The following RGS6 variants were observed in gnomAD, a reference collection of about 807,000 sequenced individuals.
RGS6 encodes regulator of G-protein signaling 6.
RGS6 carries 30 observed loss-of-function variants against 78.5 expected under a neutral mutation model. The observed-to-expected ratio is 0.38, with a 90% CI of 0.29 to 0.52. The LOEUF is 0.52. Ranked by LOEUF, RGS6 falls within the 20% of genes least tolerant of loss-of-function variation. The pLI is 0.85. For synonymous variants in RGS6, 206 were observed against 206.0 expected, an observed-to-expected ratio of 1.00 and a Z score of 0.00; for missense variants, 495 against 609.7, an observed-to-expected ratio of 0.81 and a Z score of 1.98.
chr14:71,895,138 T>C, the RGS6 span, among the ~76,000 whole-genome samples: 14 of 152,102 alleles, frequency 9.2e-5, no homozygotes, highest in Admixed American at 3.9e-4. Context: ...TTAATACAGA[T>C]TTTTTAGGGG....
the RGS6 span, among the ~76,000 whole-genome samples, chr14:71,893,801 A>G: frequency 2.6e-5 from 4 of 152,162 alleles, no homozygotes; most frequent in Admixed American, 2.6e-4. Flanking sequence ...TTAAGTCAAA[A>G]AGTGAACTAT....
intron 17 of RGS6, among the ~76,000 whole-genome samples, chr14:72,554,308 A>G (rs2097542710): frequency 6.6e-6 from 1 of 152,250 alleles, no homozygotes; most frequent in Non-Finnish European, 1.5e-5. Context: ...GGATGGGGTC[A>G]GAGTCCTCAT....
chr14:72,192,280 C>T (rs1347403928), intron 2 of RGS6, among the ~76,000 whole-genome samples: 1 of 152,142 alleles, frequency 6.6e-6, no homozygotes, highest in Non-Finnish European at 1.5e-5. Context: ...TTCCTGTCTT[C>T]GGGCAAGTAG....
chr14:71,943,979 G>T (rs1389239815), intron 1 of RGS6, among the ~76,000 whole-genome samples: 1 of 152,046 alleles, frequency 6.6e-6, no homozygotes, highest in Non-Finnish European at 1.5e-5. Context: ...ATTTTGCCTG[G>T]CAAGATCCAC....
intron 1 of RGS6, among the ~76,000 whole-genome samples, chr14:71,939,296 G>A (rs1463166807): frequency 4.6e-5 from 7 of 152,136 alleles, no homozygotes; most frequent in Admixed American, 4.6e-4. Flanking sequence ...ATTTTATTGG[G>A]GTAGAAGGTC....
downstream of RGS6, among the ~76,000 whole-genome samples, chr14:72,568,597 C>A (rs963745117): frequency 1.3e-4 from 20 of 152,356 alleles, no homozygotes; most frequent in South Asian, 6.2e-4. Flanking sequence ...CCATCAATAA[C>A]CCTGCATTAG....
chr14:71,894,517 C>T, the RGS6 span, among the ~76,000 whole-genome samples: 3 of 152,172 alleles, frequency 2.0e-5, no homozygotes, highest in African/African-American at 7.2e-5. Context: ...TATGGAGCAG[C>T]TGTCCTTTCA....
chr14:72,514,125 C>G (rs2096911738), intron 14 of RGS6: 1 of 152,246 alleles, frequency 6.6e-6, no homozygotes, highest in Non-Finnish European at 1.5e-5. Context: ...GTGAACAGAA[C>G]TCAGCTTCAG....
chr14:72,312,266 T>G (rs2283395), intron 2 of RGS6, among the ~76,000 whole-genome samples: 11,491 of 147,890 alleles, frequency 0.078, 613 homozygotes, highest in East Asian at 0.31. Context: ...TAATTTTCCC[T>G]GGCAAATATT....
chr14:72,435,802 T>C (rs142966146), intron 3 of RGS6, among the ~76,000 whole-genome samples: 7 of 138,384 alleles, frequency 5.1e-5, no homozygotes, highest in African/African-American at 1.9e-4. Context: ...TCTCTGATCC[T>C]TCTACCTCTC....
chr14:72,029,317 T>C (rs2090452293), intron 2 of RGS6, among the ~76,000 whole-genome samples: 1 of 152,240 alleles, frequency 6.6e-6, no homozygotes, highest in Admixed American at 6.5e-5. Flanking sequence ...TGTACATTTC[T>C]TTTGTCATTT....
chr14:72,388,799 T>G (rs2089090426), intron 3 of RGS6, among the ~76,000 whole-genome samples: 1 of 152,198 alleles, frequency 6.6e-6, no homozygotes, highest in South Asian at 2.1e-4. Context: ...TTTACTTCTT[T>G]GTGCTTTGAT....
intron 12 of RGS6, among the ~76,000 whole-genome samples, chr14:72,488,718 TCTCACCACAGC>T (rs1350636287): frequency 6.6e-6 from 1 of 152,148 alleles, no homozygotes; most frequent in Non-Finnish European, 1.5e-5. Flanking sequence ...CTGGCTGAAC[TCTCACCACAGC>T]CTCTCCTGAG....
chr14:71,924,788 C>T, the RGS6 span, among the ~76,000 whole-genome samples: 1 of 152,120 alleles, frequency 6.6e-6, no homozygotes, highest in Admixed American at 6.5e-5. Context: ...GTATCTAAAT[C>T]TACATAATAA....
intron 3 of RGS6, among the ~76,000 whole-genome samples, chr14:72,448,579 A>G (rs528882825): frequency 7.2e-5 from 11 of 152,346 alleles, no homozygotes; most frequent in African/African-American, 2.4e-4. Flanking sequence ...AATGGAGATA[A>G]TAATATGCTA....
chr14:72,049,385 G>C (rs36738), intron 2 of RGS6, among the ~76,000 whole-genome samples: 41,372 of 152,172 alleles, frequency 0.27, 5,941 homozygotes, highest in Admixed American at 0.33. Context: ...TTTGATAAGG[G>C]GAAAACAAAG....
chr14:72,435,724 CTTCTCA>C (rs1166265103), intron 3 of RGS6, among the ~76,000 whole-genome samples: 1 of 151,804 alleles, frequency 6.6e-6, no homozygotes, highest in Non-Finnish European at 1.5e-5. Flanking sequence ...CATGTTTGTG[CTTCTCA>C]TTCTCATTCT....
chr14:72,007,260 C>T (rs1271190545), intron 2 of RGS6, among the ~76,000 whole-genome samples: 3 of 151,938 alleles, frequency 2.0e-5, no homozygotes, highest in East Asian at 1.9e-4. Flanking sequence ...TTAAAGATTC[C>T]CAGCCTCCCC....
chr14:72,612,896 G>A, the RGS6 span, among the ~76,000 whole-genome samples: 2 of 152,176 alleles, frequency 1.3e-5, no homozygotes, highest in Non-Finnish European at 2.9e-5. Context: ...CAGGACTGGA[G>A]AAGACTTCAG....
Sources: gnomAD v4.1 joint callset for allele counts (sites outside exome capture counted in the v4.1 genomes callset) on GRCh38, gnomAD v4.1.1 for gene constraint, MANE v1.5 for transcripts, NCBI Gene and HGNC (gene_info 2026-07-23, HGNC 2026-07-21) for gene names.